The following FAM185A variants were observed in gnomAD, a reference collection of about 807,000 sequenced individuals.
FAM185A encodes the protein protein FAM185A.
A neutral mutation model predicts 45.7 loss-of-function variants in FAM185A; 21 were observed. The ratio of observed to expected loss-of-function variants is 0.46; its 90% CI spans 0.33 to 0.66. FAM185A has a LOEUF of 0.66. Ranked by LOEUF, FAM185A falls within the 30% of genes least tolerant of loss-of-function variation. FAM185A has a pLI of 0.03. For missense variants in FAM185A, 305 were observed against 485.4 expected (o/e 0.63, Z 3.49); for synonymous variants, 117 against 194.0 (o/e 0.60, Z 3.30).
intron 6 of FAM185A, among the ~76,000 whole-genome samples, chr7:102,778,293 A>C (rs949596528): frequency 6.6e-6 from 1 of 152,248 alleles, no homozygotes; most frequent in African/African-American, 2.4e-5. Context: ...TCTCAATATC[A>C]TATTTTCTCC....
intron 4 of FAM185A, among the ~76,000 whole-genome samples, chr7:102,771,073 T>C (rs906436002): frequency 3.3e-5 from 5 of 152,200 alleles, no homozygotes; most frequent in African/African-American, 1.2e-4. Flanking sequence ...ATGGATGCAG[T>C]TGGAAGCCAC....
the FAM185A span, among the ~76,000 whole-genome samples, chr7:102,844,785 C>T: frequency 2.0e-5 from 3 of 152,274 alleles, no homozygotes; most frequent in East Asian, 1.9e-4. Context: ...AGATGCCAAT[C>T]GCAAGTCCCA....
the FAM185A span, among the ~76,000 whole-genome samples, chr7:102,814,820 TA>T: frequency 2.6e-5 from 4 of 152,244 alleles, no homozygotes; most frequent in Non-Finnish European, 5.9e-5. Context: ...GTTAATTTTT[TA>T]AATCTTTTTT....
the FAM185A span, chr7:102,814,232 A>T: frequency 6.6e-6 from 1 of 152,246 alleles, no homozygotes; most frequent in African/African-American, 2.4e-5. Context: ...GATTAGTACT[A>T]AAGAGGAGAT....
chr7:102,813,370 G>A (rs770663133), downstream of FAM185A: 15 of 1,613,742 alleles, frequency 9.3e-6, no homozygotes, highest in Admixed American at 2.5e-4. Context: ...ACTGCTGTAT[G>A]TTGACTTTTT....
chr7:102,836,058 C>CA, the FAM185A span, among the ~76,000 whole-genome samples: 1 of 152,200 alleles, frequency 6.6e-6, no homozygotes, highest in Non-Finnish European at 1.5e-5. Flanking sequence ...GAGGGAGATT[C>CA]AAGGCTCTTC....
the FAM185A span, among the ~76,000 whole-genome samples, chr7:102,848,210 A>T: frequency 6.6e-6 from 1 of 152,244 alleles, no homozygotes; most frequent in African/African-American, 2.4e-5. Context: ...TGAAATAATT[A>T]GAAATTTTTG....
the FAM185A span, among the ~76,000 whole-genome samples, chr7:102,819,143 G>A: frequency 1.3e-5 from 2 of 152,096 alleles, no homozygotes; most frequent in South Asian, 4.2e-4. Flanking sequence ...CCTGGGTTGT[G>A]GGGGCCATTG....
chr7:102,822,204 C>A, the FAM185A span: 26 of 1,613,844 alleles, frequency 1.6e-5, no homozygotes, highest in Admixed American at 4.3e-4. Flanking sequence ...AGTCAGTAAT[C>A]TGAACACAGA....
chr7:102,809,306 G>C (rs1429226401), downstream of FAM185A: 2 of 152,200 alleles, frequency 1.3e-5, no homozygotes, highest in African/African-American at 4.8e-5. Context: ...TTTATAGCCT[G>C]ATGTATGAAG....
At chr7:102,795,586 A>T (rs1269925372) in intron 7 of FAM185A, among the ~76,000 whole-genome samples, 7 of 152,230 alleles carry the variant, frequency 4.6e-5, no homozygotes, top group Non-Finnish European at 7.3e-5. Context: ...ACACTCCCTG[A>T]GTTAGGGAGA....
chr7:102,777,008 T>G (rs1795112725), intron 5 of FAM185A, among the ~76,000 whole-genome samples: 1 of 152,160 alleles, frequency 6.6e-6, no homozygotes, highest in East Asian at 1.9e-4. Context: ...AGAGTAAATG[T>G]TTAGAGATAA....
chr7:102,784,300 T>A (rs1018708518), intron 6 of FAM185A, among the ~76,000 whole-genome samples: 1 of 151,306 alleles, frequency 6.6e-6, no homozygotes, highest in Non-Finnish European at 1.5e-5. Context: ...TTCCAATCAA[T>A]AGAAAAAGAG....
At position 102,749,469 on chromosome 7, in the gene FAM185A, A is replaced by G; in HGVS notation, c.262A>G (p.Arg88Gly). ...RARLPCHLAV[R>G]PLDPLTYPDG... ...GCGGCTCCCGTGCCACCTGGCCGTG[A>G]GGCCCCTGGACCCCCTCACCTACCC... The change falls in exon 1 of 8, where the codon AGG (arginine) becomes GGG (glycine). Residue 88 changes from arginine to glycine, a missense_variant. Arg to Gly is a moderately radical substitution (Grantham distance 125). This residue lies in a region of FAM185A where 174 missense variants were observed against 247.1 expected (regional missense o/e 0.70). Transcript: ENST00000413034. 3.2e-6 allele frequency: 5 copies of G among 1,546,714 alleles called. No homozygotes were observed. In the Admixed American group the frequency reaches 7.9e-5, roughly 24 times the overall value.
the FAM185A span, among the ~76,000 whole-genome samples, chr7:102,829,363 C>A: frequency 0.029 from 4,444 of 152,322 alleles, 189 homozygotes; most frequent in East Asian, 0.16. Flanking sequence ...TGCTTCACAT[C>A]ACCTACACTT....
At chr7:102,805,943 G>T (rs1797085845) in intron 7 of FAM185A, among the ~76,000 whole-genome samples, 1 of 152,130 alleles carries the variant, frequency 6.6e-6, no homozygotes, top group African/African-American at 2.4e-5. Flanking sequence ...CCTCCTCCAG[G>T]CCCCTGAGAA....
At chr7:102,829,162 A>G in the FAM185A span, among the ~76,000 whole-genome samples, 1 of 152,178 alleles carries the variant, frequency 6.6e-6, no homozygotes, top group Non-Finnish European at 1.5e-5. Context: ...CAAGTGGAAC[A>G]TTTACAGTTG....
chr7:102,804,206 A>C (rs1481383246), intron 7 of FAM185A, among the ~76,000 whole-genome samples: 1 of 152,222 alleles, frequency 6.6e-6, no homozygotes. Context: ...ATGGAACCAA[A>C]AAAGAGTCCC....
intron 7 of FAM185A, among the ~76,000 whole-genome samples, chr7:102,799,519 A>G (rs1189485891): frequency 6.6e-6 from 1 of 152,230 alleles, no homozygotes; most frequent in African/African-American, 2.4e-5. Flanking sequence ...TACTATTATA[A>G]CAGAGGGAAA....
Sources: allele counts gnomAD v4.1 joint callset (sites outside exome capture counted in the v4.1 genomes callset), GRCh38; gene constraint gnomAD v4.1.1; regional missense constraint gnomAD v4.1.1; transcripts MANE v1.5; gene names NCBI Gene and HGNC (gene_info 2026-07-23, HGNC 2026-07-21).